CMIP: variants seen among roughly 807,000 people sequenced by gnomAD.
CMIP encodes c-Maf inducing protein.
A neutral mutation model predicts 97.3 loss-of-function variants in CMIP; 13 were observed. The ratio of observed to expected loss-of-function variants is 0.13; its 90% CI spans 0.09 to 0.21. CMIP has a LOEUF of 0.21. Among genes scored for constraint, CMIP ranks in the 10% least tolerant of loss-of-function variants. CMIP has a pLI of 1.00. For synonymous variants in CMIP, 538 were observed against 436.3 expected (o/e 1.23, Z -2.91); for missense variants, 847 against 1,024.9 (o/e 0.83, Z 2.37).
intron 2 of CMIP, among the ~76,000 whole-genome samples, chr16:81,615,979 A>T (rs959288584): frequency 1.3e-5 from 2 of 151,818 alleles, no homozygotes; most frequent in African/African-American, 4.8e-5. Context: ...GGAGGGGACC[A>T]CGGCCAGCTT....
In CMIP at chr16:81,470,294, A is replaced by G. The variant is rs1285010925; in HGVS notation, c.300+24753A>G. Among the ~76,000 whole-genome samples the G allele has an allele frequency of 9.6e-5, 14 of 145,540 alleles. No individual in the cohort carries two copies. In the East Asian group the frequency reaches 2.7e-3, roughly 28 times the overall value. On this transcript the variant is annotated intron_variant, in intron 1 of 20. Coordinates refer to ENST00000537098, the MANE Select transcript of CMIP (RefSeq NM_198390.3). ...CAGCGGTTCAAGAGGTGCCCCATCC[A>G]GGCGCCCCGTCCAGGCAGCTTGGGT...
chr16:81,491,618 C>T (rs1210588552), intron 1 of CMIP, among the ~76,000 whole-genome samples: 6 of 152,166 alleles, frequency 3.9e-5, no homozygotes, highest in Non-Finnish European at 8.8e-5. Flanking sequence ...AAGTATACAC[C>T]AGCTGAATGG....
chr16:81,647,924 CGCAGAGCCGTAGCCCACCCT>C (rs2092382844), intron 3 of CMIP, among the ~76,000 whole-genome samples: 1 of 108,496 alleles, frequency 9.2e-6, no homozygotes, highest in African/African-American at 3.9e-5. Context: ...CCCCCGCACC[CGCAGAGCCGTAGCCCACCCT>C]CCCCCCGCAC....
intron 1 of CMIP, among the ~76,000 whole-genome samples, chr16:81,590,063 C>A (rs375230305): frequency 3.9e-5 from 6 of 152,132 alleles, no homozygotes; most frequent in African/African-American, 1.4e-4. Context: ...CACAGAGCTT[C>A]TGAAGCTCAC....
At chr16:81,502,009 A>G (rs1457954335) in intron 1 of CMIP, among the ~76,000 whole-genome samples, 1 of 152,204 alleles carries the variant, frequency 6.6e-6, no homozygotes, top group Non-Finnish European at 1.5e-5. Flanking sequence ...CAGTCAACAC[A>G]TGAGTGGTGC....
chr16:81,667,642 G>T (rs1382557566), intron 7 of CMIP, among the ~76,000 whole-genome samples: 2 of 152,018 alleles, frequency 1.3e-5, no homozygotes, highest in Non-Finnish European at 2.9e-5. Flanking sequence ...CACTTCTGTG[G>T]ACCCTCATTC....
intron 10 of CMIP, among the ~76,000 whole-genome samples, chr16:81,679,436 T>C (rs1344251755): frequency 6.6e-6 from 1 of 152,060 alleles, no homozygotes; most frequent in Non-Finnish European, 1.5e-5. Context: ...CCCATGTATG[T>C]GTGTGTTGTG....
At chr16:81,678,661 G>A (rs1317229703) in intron 10 of CMIP, 33 bp downstream of exon 10, 2 of 1,045,054 alleles carry the variant, frequency 1.9e-6, no homozygotes, top group Non-Finnish European at 2.9e-6. Context: ...CGCCCCCGGG[G>A]CCGGTGGGAG....
chr16:81,509,945 C>G (rs566674497), intron 1 of CMIP, among the ~76,000 whole-genome samples: 3 of 152,332 alleles, frequency 2.0e-5, no homozygotes, highest in African/African-American at 7.2e-5. Flanking sequence ...ACATCCTGCC[C>G]TCACGGAGAA....
At position 81,652,205 on chromosome 16, in the gene CMIP, A is replaced by G; in HGVS notation, c.480A>G (p.Lys160=). 6.2e-7 allele frequency: 1 copy of G among 1,612,168 alleles called. No homozygotes were observed. The change falls in exon 4 of 21, where the codon AAA becomes AAG. Residue 160 remains lysine (K), a splice_region_variant and synonymous_variant. Coordinates refer to ENST00000537098, the MANE Select transcript of CMIP (RefSeq NM_198390.3). This position sits in a 1 kb window ranked among gnomAD's most constrained non-coding sequence, Gnocchi z 5.2. ...DQWFHSLQWK[K]KIYKYKKVLS... The stretch of plus-strand genomic sequence containing the variant: ...GTCTCTTTATCTCTTTCAACCAGAA[A>G]AAGATTTACAAATATAAGAAAGTGC...
chr16:81,486,218 A>G (rs901346411), intron 1 of CMIP, among the ~76,000 whole-genome samples: 3 of 152,166 alleles, frequency 2.0e-5, no homozygotes, highest in Non-Finnish European at 4.4e-5. Context: ...GCTTTCTCAG[A>G]GATATTCAGG....
chr16:81,555,644 T>G (rs1053411548), intron 1 of CMIP, among the ~76,000 whole-genome samples: 6 of 152,216 alleles, frequency 3.9e-5, no homozygotes, highest in Non-Finnish European at 8.8e-5. Context: ...CTGGCAGTGA[T>G]GTGACCAAGT....
At chr16:81,615,577 AGT>A (rs891372182) in intron 2 of CMIP, among the ~76,000 whole-genome samples, 49 of 95,482 alleles carry the variant, frequency 5.1e-4, no homozygotes, top group East Asian at 4.9e-3. Context: ...GTGTGTGTAT[AGT>A]GTGTGTGTCT....
At chr16:81,525,988 G>GTGTGTC in intron 1 of CMIP, among the ~76,000 whole-genome samples, 2 of 32,992 alleles carry the variant, frequency 6.1e-5, no homozygotes, top group East Asian at 8.3e-4. Context: ...GTGTGTGTGT[G>GTGTGTC]TGTGTGTGTG....
intron 1 of CMIP, among the ~76,000 whole-genome samples, chr16:81,532,948 G>T (rs2090268272): frequency 6.6e-6 from 1 of 152,090 alleles, no homozygotes; most frequent in African/African-American, 2.4e-5. Context: ...GTGCCTCGAG[G>T]CCTTTGCCCT....
At chr16:81,516,544 T>C (rs1203595248) in intron 1 of CMIP, among the ~76,000 whole-genome samples, 1 of 152,222 alleles carries the variant, frequency 6.6e-6, no homozygotes, top group Non-Finnish European at 1.5e-5. Flanking sequence ...CAGCCAGCTC[T>C]GCCTTCAGGA....
intron 1 of CMIP, among the ~76,000 whole-genome samples, chr16:81,500,512 T>C (rs1340018677): frequency 1.4e-5 from 2 of 143,508 alleles, no homozygotes; most frequent in Non-Finnish European, 3.0e-5. Context: ...TTTTTTGAGA[T>C]GGAGTCTCAC....
At chr16:81,665,540 G>C (rs2092593859) in intron 7 of CMIP, 2 of 152,262 alleles carry the variant, frequency 1.3e-5, no homozygotes, top group South Asian at 4.2e-4. Flanking sequence ...GGGAGCTAAG[G>C]AGCAGGCAGC....
At chr16:81,602,087 G>A (rs1191310415) in intron 1 of CMIP, among the ~76,000 whole-genome samples, 1 of 152,154 alleles carries the variant, frequency 6.6e-6, no homozygotes, top group African/African-American at 2.4e-5. Context: ...TGTTCACTGC[G>A]GAGTTGTGCA....
Sources: allele counts gnomAD v4.1 joint callset (sites outside exome capture counted in the v4.1 genomes callset), GRCh38; gene constraint gnomAD v4.1.1; non-coding constraint Gnocchi (gnomAD v3.1); transcripts MANE v1.5; gene names NCBI Gene and HGNC (gene_info 2026-07-23, HGNC 2026-07-21).